TOX2: variants seen among roughly 807,000 people sequenced by gnomAD.
TOX2 encodes TOX high mobility group box family member 2.
Under a neutral mutation model 47.4 loss-of-function variants are expected in TOX2, and 15 were observed. The observed-to-expected ratio is 0.32, with a 90% CI of 0.21 to 0.49. The LOEUF (loss-of-function observed/expected upper bound fraction) is 0.49, where lower values mean the gene tolerates loss of function less well. Ranked by LOEUF, TOX2 falls within the 20% of genes least tolerant of loss-of-function variation. TOX2 has a pLI of 0.99. For synonymous variants in TOX2, 290 were observed against 296.6 expected (o/e 0.98, Z 0.23); for missense variants, 622 against 673.1 (o/e 0.92, Z 0.84).
intron 1 of TOX2, among the ~76,000 whole-genome samples, chr20:43,936,875 A>G (rs1335099050): frequency 6.6e-6 from 1 of 152,180 alleles, no homozygotes; most frequent in Admixed American, 6.5e-5. Flanking sequence ...ACAGGAGGCT[A>G]TGATTAGGAT....
chr20:43,985,812 G>A (rs902626708), intron 2 of TOX2, among the ~76,000 whole-genome samples: 6 of 152,058 alleles, frequency 3.9e-5, no homozygotes, highest in Non-Finnish European at 2.9e-5. Flanking sequence ...ACCCGGTGGC[G>A]CCGAGCTCAT....
chr20:44,037,767 A>G, intron 3 of TOX2, among the ~76,000 whole-genome samples: 1 of 152,188 alleles, frequency 6.6e-6, no homozygotes, highest in East Asian at 1.9e-4. Flanking sequence ...TAAATTACTC[A>G]GTGTCAGGTA....
intron 1 of TOX2, among the ~76,000 whole-genome samples, chr20:43,953,607 C>T (rs969794821): frequency 6.6e-6 from 1 of 152,128 alleles, no homozygotes; most frequent in African/African-American, 2.4e-5. Flanking sequence ...GGACTTGTCT[C>T]TGGGGAAAGG....
At chr20:43,946,033 C>A in intron 1 of TOX2, 1 of 1,613,932 alleles carries the variant, frequency 6.2e-7, no homozygotes, top group South Asian at 1.1e-5. Flanking sequence ...TGTGTTTCCG[C>A]AGAAGGTAAG....
intron 1 of TOX2, among the ~76,000 whole-genome samples, chr20:43,948,846 G>A (rs1426095848): frequency 6.6e-6 from 1 of 152,224 alleles, no homozygotes; most frequent in African/African-American, 2.4e-5. Context: ...CTGCTGTTGG[G>A]TGTTGAGATG....
intron 5 of TOX2, among the ~76,000 whole-genome samples, chr20:44,057,184 G>A (rs774244052): frequency 1.3e-5 from 2 of 152,184 alleles, no homozygotes; most frequent in Non-Finnish European, 2.9e-5. Context: ...GCCTCCCAAA[G>A]TGCTGGGATT....
At chr20:43,928,742 A>G (rs1418239508) in intron 1 of TOX2, among the ~76,000 whole-genome samples, 2 of 152,162 alleles carry the variant, frequency 1.3e-5, no homozygotes, top group African/African-American at 2.4e-5. Context: ...GACATTTACT[A>G]TCCAGTGACC....
At chr20:43,995,728 A>T (rs540050915) in intron 2 of TOX2, among the ~76,000 whole-genome samples, 1 of 152,196 alleles carries the variant, frequency 6.6e-6, no homozygotes, top group East Asian at 1.9e-4. Flanking sequence ...AGTTCTTATC[A>T]CTTAGCTCTC....
chr20:44,038,891 A>C, intron 3 of TOX2: 1 of 1,123,188 alleles, frequency 8.9e-7, no homozygotes, highest in South Asian at 1.8e-5. Context: ...CAGCCCTGCG[A>C]AGCTATTAAG....
At chr20:44,059,861 G>T (rs750527949) in intron 5 of TOX2, among the ~76,000 whole-genome samples, 3 of 152,030 alleles carry the variant, frequency 2.0e-5, no homozygotes, top group Non-Finnish European at 4.4e-5. Context: ...AAACCACAAG[G>T]TATTTGGGCA....
At chr20:43,991,654 A>T (rs199999568) in intron 2 of TOX2, among the ~76,000 whole-genome samples, 1 of 94,144 alleles carries the variant, frequency 1.1e-5, no homozygotes, top group African/African-American at 3.4e-5. Context: ...TATTATTATT[A>T]TTATTTTGAG....
At chr20:44,025,274 T>C (rs919308087) in intron 3 of TOX2, among the ~76,000 whole-genome samples, 1 of 151,932 alleles carries the variant, frequency 6.6e-6, no homozygotes, top group Non-Finnish European at 1.5e-5. Context: ...CCAGGGGTGT[T>C]CTGGAGCATA....
At chr20:43,931,995 G>A (rs192762279) in intron 1 of TOX2, among the ~76,000 whole-genome samples, 107 of 152,338 alleles carry the variant, frequency 7.0e-4, no homozygotes, top group African/African-American at 2.5e-3. Flanking sequence ...GACTGTGGTG[G>A]TGGAGTGGAA....
At chr20:43,987,800 A>G (rs1169413834) in intron 2 of TOX2, among the ~76,000 whole-genome samples, 2 of 152,120 alleles carry the variant, frequency 1.3e-5, no homozygotes, top group Non-Finnish European at 2.9e-5. Context: ...GGCTTGCCCC[A>G]GGGAAGCAGG....
chr20:43,971,811 G>A (rs958655320), intron 1 of TOX2, among the ~76,000 whole-genome samples: 3 of 152,184 alleles, frequency 2.0e-5, no homozygotes, highest in Non-Finnish European at 2.9e-5. Context: ...GTGTTGCTAA[G>A]AGAAAAATAA....
At chr20:44,057,936 C>T (rs76161591) in intron 5 of TOX2, among the ~76,000 whole-genome samples, 4,838 of 146,238 alleles carry the variant, frequency 0.033, 81 homozygotes, top group African/African-American at 0.047. Flanking sequence ...CAGACTAGCT[C>T]ATGCTTATTC....
chr20:43,937,160 C>T (rs1475575235), intron 1 of TOX2, among the ~76,000 whole-genome samples: 1 of 152,146 alleles, frequency 6.6e-6, no homozygotes, highest in Non-Finnish European at 1.5e-5. Context: ...AGATGATGGG[C>T]ACGGGGGAAG....
At chr20:43,958,605 C>T (rs1333278542) in intron 1 of TOX2, among the ~76,000 whole-genome samples, 1 of 152,232 alleles carries the variant, frequency 6.6e-6, no homozygotes, top group Non-Finnish European at 1.5e-5. Context: ...GGTTCTAGGT[C>T]CCTAGTGCCC....
At chr20:43,997,717 G>A (rs895558804) in intron 2 of TOX2, among the ~76,000 whole-genome samples, 4 of 152,076 alleles carry the variant, frequency 2.6e-5, no homozygotes, top group African/African-American at 9.7e-5. Context: ...TGCTGAGTTT[G>A]TCTTTCTTGT....
Sources: allele counts gnomAD v4.1 joint callset (sites outside exome capture counted in the v4.1 genomes callset), GRCh38; gene constraint gnomAD v4.1.1; transcripts MANE v1.5; gene names NCBI Gene and HGNC (gene_info 2026-07-23, HGNC 2026-07-21).